NBAS: variants seen among roughly 807,000 people sequenced by gnomAD.
NBAS encodes NBAS subunit of NRZ tethering complex, also known as NAG/BC035112 fusion.
NBAS carries 219 observed loss-of-function variants against 302.5 expected under a neutral mutation model. The ratio of observed to expected loss-of-function variants is 0.72; its 90% CI spans 0.65 to 0.81. NBAS has a LOEUF of 0.81. Among genes scored for constraint, NBAS ranks in the 30% least tolerant of loss-of-function variants. The pLI, the probability that NBAS is intolerant of heterozygous loss-of-function variation, is 0.00. For synonymous variants in NBAS, 1,118 were observed against 1,021.6 expected, an observed-to-expected ratio of 1.09 and a Z score of -1.80; for missense variants, 2,932 against 2,841.6, an observed-to-expected ratio of 1.03 and a Z score of -0.72.
chr2:15,043,292 G>T, the NBAS span, among the ~76,000 whole-genome samples: 1 of 152,134 alleles, frequency 6.6e-6, no homozygotes, highest in East Asian at 1.9e-4. Context: ...ACCCCTGCAC[G>T]TTTAGCTTGG....
At chr2:15,485,604 T>C (rs531988461) in intron 12 of NBAS, among the ~76,000 whole-genome samples, 1 of 152,320 alleles carries the variant, frequency 6.6e-6, no homozygotes, top group Non-Finnish European at 1.5e-5. Context: ...ATAATAAATG[T>C]AGTTAGGGTA....
At chr2:15,455,465 A>T (rs1679207830) in intron 21 of NBAS, among the ~76,000 whole-genome samples, 1 of 152,140 alleles carries the variant, frequency 6.6e-6, no homozygotes, top group Non-Finnish European at 1.5e-5. Context: ...AATTATCTGT[A>T]TTACCTTTGC....
At chr2:14,906,947 GTCAAATGACT>G in the NBAS span, among the ~76,000 whole-genome samples, 1 of 152,032 alleles carries the variant, frequency 6.6e-6, no homozygotes, top group Non-Finnish European at 1.5e-5. Context: ...CAAACCTACT[GTCAAATGACT>G]TCGAGTTGAA....
intron 4 of NBAS, 79 bp downstream of exon 4, chr2:15,553,982 A>G: frequency 8.1e-7 from 1 of 1,242,186 alleles, no homozygotes; most frequent in South Asian, 1.2e-5. Flanking sequence ...GAAAGCCACA[A>G]GCATTCCAAA....
At chr2:15,287,291 C>T (rs1273753555) in intron 41 of NBAS, 108 bp from the exon 42 acceptor site, 1 of 793,820 alleles carries the variant, frequency 1.3e-6, no homozygotes, top group Non-Finnish European at 2.2e-6. Context: ...GAGGTGCAAG[C>T]AGTGTGGTCC....
chr2:15,305,803 A>T (rs1395759346), intron 40 of NBAS, among the ~76,000 whole-genome samples: 1 of 152,158 alleles, frequency 6.6e-6, no homozygotes, highest in African/African-American at 2.4e-5. Flanking sequence ...TTCCAATCTT[A>T]TGTATTCAGG....
the NBAS span, among the ~76,000 whole-genome samples, chr2:15,035,222 G>A: frequency 6.6e-6 from 1 of 150,960 alleles, no homozygotes; most frequent in African/African-American, 2.4e-5. Context: ...GGTAAATACT[G>A]AGAAGTGGGA....
chr2:15,094,249 C>T, the NBAS span, among the ~76,000 whole-genome samples: 1 of 152,302 alleles, frequency 6.6e-6, no homozygotes, highest in East Asian at 1.9e-4. Flanking sequence ...GAACATATTT[C>T]CCTCTCTAGT....
At chr2:15,072,880 A>G in the NBAS span, among the ~76,000 whole-genome samples, 10 of 152,140 alleles carry the variant, frequency 6.6e-5, no homozygotes, top group East Asian at 7.7e-4. Context: ...TGTAACCCCA[A>G]CACTTTGAGA....
chr2:15,324,602 A>G (rs10803672), intron 38 of NBAS, among the ~76,000 whole-genome samples: 84,309 of 151,950 alleles, frequency 0.55, 24,835 homozygotes, highest in East Asian at 0.85. Flanking sequence ...GGGTTTGCCT[A>G]TCATAGCGCC....
chr2:15,222,090 G>T (rs185179173), intron 47 of NBAS, among the ~76,000 whole-genome samples: 147 of 152,260 alleles, frequency 9.7e-4, no homozygotes, highest in African/African-American at 3.2e-3. Context: ...AATAATAAAT[G>T]CAAGGCATGT....
intron 9 of NBAS, among the ~76,000 whole-genome samples, chr2:15,523,004 G>A (rs1572965513): frequency 6.6e-6 from 1 of 152,046 alleles, no homozygotes; most frequent in South Asian, 2.1e-4. Flanking sequence ...TTACAAGATC[G>A]ATCATCTATC....
At chr2:15,560,669 A>G (rs559083157) in intron 1 of NBAS, among the ~76,000 whole-genome samples, 10 of 152,008 alleles carry the variant, frequency 6.6e-5, no homozygotes, top group South Asian at 2.1e-4. Context: ...AGCCCCCAGT[A>G]TGGGTAAAGG....
At chr2:15,280,160 T>G (rs1669761210) in intron 42 of NBAS, among the ~76,000 whole-genome samples, 1 of 152,214 alleles carries the variant, frequency 6.6e-6, no homozygotes, top group East Asian at 1.9e-4. Flanking sequence ...GATTAAGGTG[T>G]TCTGTAATGG....
At chr2:15,243,598 A>T (rs1667957981) in intron 44 of NBAS, among the ~76,000 whole-genome samples, 1 of 152,178 alleles carries the variant, frequency 6.6e-6, no homozygotes, top group Non-Finnish European at 1.5e-5. Flanking sequence ...AAAGATTAGA[A>T]AAATACCGTA....
the NBAS span, among the ~76,000 whole-genome samples, chr2:15,047,352 TG>T: frequency 1.3e-5 from 2 of 152,228 alleles, no homozygotes; most frequent in African/African-American, 2.4e-5. Flanking sequence ...AGGTGAAGGC[TG>T]GGCCCACGCA....
At chr2:15,014,154 A>T in the NBAS span, among the ~76,000 whole-genome samples, 1 of 152,200 alleles carries the variant, frequency 6.6e-6, no homozygotes, top group South Asian at 2.1e-4. Flanking sequence ...TATATAAATC[A>T]AATATTATTA....
chr2:15,050,461 G>C, the NBAS span, among the ~76,000 whole-genome samples: 1 of 152,084 alleles, frequency 6.6e-6, no homozygotes, highest in Non-Finnish European at 1.5e-5. Flanking sequence ...CAAGGTCTCA[G>C]GCAGCATCCC....
At chr2:15,050,618 T>C in the NBAS span, among the ~76,000 whole-genome samples, 8 of 152,160 alleles carry the variant, frequency 5.3e-5, no homozygotes, top group Non-Finnish European at 1.0e-4. Context: ...CTCAGCAGCA[T>C]CTTAGGGAGC....
Sources: allele counts gnomAD v4.1 joint callset (sites outside exome capture counted in the v4.1 genomes callset), GRCh38; gene constraint gnomAD v4.1.1; transcripts MANE v1.5; gene names NCBI Gene and HGNC (gene_info 2026-07-23, HGNC 2026-07-21).